Variants in TMTC1 observed in about 807,000 individuals in gnomAD.
TMTC1 encodes the protein transmembrane O-mannosyltransferase targeting cadherins 1, also known as protein O-mannosyl-transferase TMTC1.
A neutral mutation model predicts 104.8 loss-of-function variants in TMTC1; 73 were observed. The ratio of observed to expected loss-of-function variants is 0.70; its 90% CI spans 0.58 to 0.85. The LOEUF is 0.85. Ranked by LOEUF, TMTC1 falls within the 40% of genes least tolerant of loss-of-function variation. TMTC1 has a pLI of 0.00. For missense variants in TMTC1, 1,035 were observed against 1,096.1 expected (o/e 0.94, Z 0.79); for synonymous variants, 434 against 428.7 (o/e 1.01, Z -0.15).
chr12:29,525,584 C>CT (rs35435790), intron 11 of TMTC1, among the ~76,000 whole-genome samples: 2,456 of 145,444 alleles, frequency 0.017, 51 homozygotes, highest in African/African-American at 0.052. Context: ...CATGAAAAGC[C>CT]TTTTTTTTTT....
At chr12:29,556,452 C>A (rs758663434) in intron 10 of TMTC1, among the ~76,000 whole-genome samples, 1 of 152,082 alleles carries the variant, frequency 6.6e-6, no homozygotes, top group Non-Finnish European at 1.5e-5. Context: ...CTTCCCTCCA[C>A]ACACACACAA....
At chr12:29,723,119 T>C (rs1942285711) in intron 5 of TMTC1, among the ~76,000 whole-genome samples, 1 of 152,014 alleles carries the variant, frequency 6.6e-6, no homozygotes, top group Non-Finnish European at 1.5e-5. Flanking sequence ...ATTTGAGCTT[T>C]ACACAGAAAA....
intron 7 of TMTC1, among the ~76,000 whole-genome samples, chr12:29,595,698 C>T (rs1192866485): frequency 6.6e-6 from 1 of 152,194 alleles, no homozygotes; most frequent in Non-Finnish European, 1.5e-5. Context: ...CAGACACATT[C>T]AAGTTAAAAT....
intron 10 of TMTC1, among the ~76,000 whole-genome samples, chr12:29,555,066 T>G (rs1230521356): frequency 1.3e-5 from 2 of 151,454 alleles, no homozygotes; most frequent in Non-Finnish European, 2.9e-5. Context: ...AGAAAAATTT[T>G]ACATCAATTG....
chr12:29,775,397 T>C (rs575437901), intron 1 of TMTC1, among the ~76,000 whole-genome samples: 8 of 152,260 alleles, frequency 5.3e-5, no homozygotes, highest in Admixed American at 2.0e-4. Flanking sequence ...TCTGACCAAC[T>C]GGCTACATAA....
At chr12:29,558,024 A>G (rs981266296) in intron 9 of TMTC1, among the ~76,000 whole-genome samples, 3 of 152,204 alleles carry the variant, frequency 2.0e-5, no homozygotes, top group Non-Finnish European at 2.9e-5. Context: ...TCAAAAGCAA[A>G]TGTAAAAGAG....
At chr12:29,551,465 T>C (rs997485673) in intron 10 of TMTC1, among the ~76,000 whole-genome samples, 39 of 152,218 alleles carry the variant, frequency 2.6e-4, no homozygotes, top group Admixed American at 1.3e-4. Context: ...TGCTATATAG[T>C]TCAATTATTG....
intron 3 of TMTC1, among the ~76,000 whole-genome samples, chr12:29,756,628 C>T (rs1359627842): frequency 1.3e-5 from 2 of 151,978 alleles, no homozygotes; most frequent in African/African-American, 4.8e-5. Flanking sequence ...TTTTCAAAAT[C>T]TCTCCGGTGC....
chr12:29,617,492 C>A (rs1021664920), intron 6 of TMTC1, among the ~76,000 whole-genome samples: 1 of 150,810 alleles, frequency 6.6e-6, no homozygotes, highest in Non-Finnish European at 1.5e-5. Flanking sequence ...TTTCCAGGTA[C>A]TAGTCTAGGC....
chr12:29,648,568 G>C (rs1018811724), intron 5 of TMTC1, among the ~76,000 whole-genome samples: 1 of 152,134 alleles, frequency 6.6e-6, no homozygotes, highest in Admixed American at 6.5e-5. Flanking sequence ...AGGCTGCAGA[G>C]AGTGCTGCAT....
In TMTC1 at chr12:29,633,039, G is replaced by C. The variant is rs558154356; in HGVS notation, c.1128+108C>G. ...CGCTACAAAAAATTTACATAGACAA[G>C]GAGAGGAGATTCAATTTACACCCAG... is the stretch of plus-strand genomic sequence containing the variant. On this transcript the variant is annotated intron_variant, in intron 6 of 17. Transcript: ENST00000539277. The C allele has an allele frequency of 4.5e-4, 457 of 1,026,496 alleles. 4 individuals are homozygous for C. Among genetic ancestry groups the C allele is most frequent in the Non-Finnish European group, 4.8e-5 (34 of 714,422 alleles). The allele number at this position is 1,026,496 out of a possible 1,614,324, so 63.6% of individuals were successfully genotyped here. A position where few individuals can be genotyped will look rare whatever the true frequency, so the allele number is the denominator to read the frequency against.
chr12:29,725,069 G>A (rs1339055667), intron 5 of TMTC1, among the ~76,000 whole-genome samples: 2 of 133,934 alleles, frequency 1.5e-5, no homozygotes, highest in Admixed American at 9.2e-5. Flanking sequence ...TGCTCAGGCT[G>A]GAGTGCAGTG....
At chr12:29,666,462 T>C (rs1038149376) in intron 5 of TMTC1, among the ~76,000 whole-genome samples, 1 of 151,968 alleles carries the variant, frequency 6.6e-6, no homozygotes, top group South Asian at 2.1e-4. Context: ...CTCGATCTCC[T>C]GACCTCGTGA....
At position 29,590,185 on chromosome 12, in the gene TMTC1, A is replaced by AC. The variant is rs1441133862; in HGVS notation, c.1251-6612_1251-6611insG. 4.0e-5 allele frequency among the ~76,000 whole-genome samples: 6 copies of AC among 149,702 alleles called. No individual in the cohort carries two copies. The South Asian group carries it at 1.0e-3, about 26-fold the overall frequency. On this transcript the variant is annotated intron_variant, in intron 7 of 17. Transcript: ENST00000539277. ...GGCTCATGGGCCATATACAGTAACA[A>AC]AAAAAAAAAAACCTTTATCTGAGGA...
At chr12:29,752,110 CTT>C (rs1435938923) in intron 4 of TMTC1, among the ~76,000 whole-genome samples, 1 of 140,262 alleles carries the variant, frequency 7.1e-6, no homozygotes, top group South Asian at 2.4e-4. Flanking sequence ...GTAACTCAGT[CTT>C]TGTTAGATGG....
intron 5 of TMTC1, among the ~76,000 whole-genome samples, chr12:29,719,284 T>G (rs1565791860): frequency 6.6e-6 from 1 of 152,242 alleles, no homozygotes. Flanking sequence ...CGTGCATTTT[T>G]AAATTATAGC....
At chr12:29,570,124 G>A (rs1225103162) in intron 9 of TMTC1, among the ~76,000 whole-genome samples, 1 of 151,878 alleles carries the variant, frequency 6.6e-6, no homozygotes, top group Non-Finnish European at 1.5e-5. Context: ...TAAGTTTCAG[G>A]CAAACTTACT....
chr12:29,530,731 A>G (rs572698337), intron 11 of TMTC1, among the ~76,000 whole-genome samples: 7 of 152,300 alleles, frequency 4.6e-5, no homozygotes, highest in Admixed American at 4.6e-4. Flanking sequence ...GCCAGCCTGC[A>G]GGCTACAACC....
chr12:29,711,575 T>G (rs1215393983), intron 5 of TMTC1, among the ~76,000 whole-genome samples: 1 of 152,138 alleles, frequency 6.6e-6, no homozygotes, highest in East Asian at 1.9e-4. Context: ...AACATTGTTA[T>G]AACAAAGTGA....
Sources: gnomAD v4.1 joint callset for allele counts (sites outside exome capture counted in the v4.1 genomes callset) on GRCh38, gnomAD v4.1.1 for gene constraint, MANE v1.5 for transcripts, NCBI Gene and HGNC (gene_info 2026-07-23, HGNC 2026-07-21) for gene names.